The following PTGFRN variants were observed in gnomAD, a reference collection of about 807,000 sequenced individuals.
PTGFRN encodes prostaglandin F2 receptor inhibitor, also known as prostaglandin F2 receptor negative regulator.
A neutral mutation model predicts 83.2 loss-of-function variants in PTGFRN; 35 were observed. The ratio of observed to expected loss-of-function variants is 0.42; its 90% CI spans 0.32 to 0.56. PTGFRN has a LOEUF of 0.56. Among genes scored for constraint, PTGFRN ranks in the 20% least tolerant of loss-of-function variants. The probability of loss-of-function intolerance (pLI) is 0.11; values close to 1 mark genes in which losing one functional copy is unlikely to be tolerated. For missense variants in PTGFRN, 1,051 were observed against 1,179.5 expected (o/e 0.89, Z 1.60); for synonymous variants, 519 against 498.6 (o/e 1.04, Z -0.55).
At position 116,952,132 on chromosome 1, in the gene PTGFRN, C is replaced by T. The variant is rs762222010; in HGVS notation, c.1213+2560C>T. 2.6e-5 allele frequency among the ~76,000 whole-genome samples: 4 copies of T among 152,220 alleles called. No homozygotes were observed. The highest frequency in any genetic ancestry group is 2.1e-4 in the South Asian group (1 of 4,830). Reference sequence around the variant, plus strand: ...TTGAGCATCTACTGTGTGCCAGGCACTGGACTAAGGACCTTATATGCATTA... The same window carrying T: ...TTGAGCATCTACTGTGTGCCAGGCATTGGACTAAGGACCTTATATGCATTA... On this transcript the variant is annotated intron_variant, in intron 4 of 8. Coordinates refer to ENST00000393203, the MANE Select transcript of PTGFRN (RefSeq NM_020440.4). This position sits in a 1 kb window ranked among gnomAD's most constrained non-coding sequence, Gnocchi z 4.0.
intron 1 of PTGFRN, among the ~76,000 whole-genome samples, chr1:116,919,982 G>C (rs1649500594): frequency 6.6e-6 from 1 of 152,196 alleles, no homozygotes; most frequent in African/African-American, 2.4e-5. Context: ...TCCATCTCCA[G>C]AATTCTTTGA....
intron 1 of PTGFRN, among the ~76,000 whole-genome samples, chr1:116,937,521 T>G (rs1322684677): frequency 6.6e-6 from 1 of 152,098 alleles, no homozygotes; most frequent in African/African-American, 2.4e-5. Context: ...AAGGAGCCAT[T>G]AAAGACTTGA....
chr1:116,917,818 T>G (rs924411663), intron 1 of PTGFRN, among the ~76,000 whole-genome samples: 10 of 152,166 alleles, frequency 6.6e-5, no homozygotes, highest in Non-Finnish European at 2.9e-5. Flanking sequence ...AGGCAGGGTC[T>G]TGCTATGTTT....
chr1:116,976,142 A>G (rs1651149898), intron 7 of PTGFRN, among the ~76,000 whole-genome samples: 1 of 152,228 alleles, frequency 6.6e-6, no homozygotes, highest in East Asian at 1.9e-4. Flanking sequence ...GATCAAACGA[A>G]TGAAATGAAG....
chr1:116,984,539 C>G, intron 7 of PTGFRN, 141 bp from the exon 8 acceptor site: 1 of 717,524 alleles, frequency 1.4e-6, no homozygotes, highest in Non-Finnish European at 2.3e-6. Flanking sequence ...CATCATAGGG[C>G]TGTTGTGAGG....
At chr1:116,946,815 C>T (rs1441653403) in intron 3 of PTGFRN, among the ~76,000 whole-genome samples, 1 of 152,142 alleles carries the variant, frequency 6.6e-6, no homozygotes, top group Non-Finnish European at 1.5e-5. Context: ...ACTTGTAAAG[C>T]AAATTGATTT....
intron 2 of PTGFRN, 119 bp from the exon 3 acceptor site, chr1:116,944,560 A>G: frequency 9.4e-7 from 1 of 1,066,510 alleles, no homozygotes; most frequent in Non-Finnish European, 1.2e-6. Flanking sequence ...AAACGTGCCC[A>G]TCCGGGTCTT....
chr1:116,970,107 C>T (rs1038220285), intron 6 of PTGFRN, among the ~76,000 whole-genome samples: 1 of 152,120 alleles, frequency 6.6e-6, no homozygotes, highest in African/African-American at 2.4e-5. Context: ...CGAGTAATTG[C>T]CCAGCCAGAA....
rs1650270773 is a variant in PTGFRN at position 116,949,208 on chromosome 1, G to A, written c.849G>A (p.Val283=). The change falls in exon 4 of 9, where the codon GTG becomes GTA. Residue 283 remains valine (V), a synonymous_variant. Transcript: ENST00000393203. ...VIQPSVLRAA[V]PKNVSVAEGK... Reference sequence around the variant, plus strand: ...ATTTTCAAGTTCTGCGAGCAGCTGTGCCCAAGAATGTGTCTGTGGCTGAAG... The same window carrying A: ...ATTTTCAAGTTCTGCGAGCAGCTGTACCCAAGAATGTGTCTGTGGCTGAAG... 1.3e-6 allele frequency: 2 copies of A among 1,593,294 alleles called. No homozygotes were observed. Among genetic ancestry groups the A allele is most frequent in the African/African-American group, 1.3e-5 (1 of 74,430 alleles).
chr1:116,925,343 C>G (rs1005259383), intron 1 of PTGFRN, among the ~76,000 whole-genome samples: 2 of 151,948 alleles, frequency 1.3e-5, no homozygotes, highest in Non-Finnish European at 2.9e-5. Context: ...ATGAGAATTG[C>G]TTGAACCCAG....
Position 116,942,080 on chromosome 1 carries a change from A to G in PTGFRN, c.415A>G (p.Lys139Glu), listed in dbSNP as rs879771578. The part of the protein sequence containing the change: ...QGNYEDTVQV[K>E]VLADSLHVGP... ...AAACTATGAGGACACAGTGCAGGTTAAAGGTACAGTCCTCACATGGGCTTG... is the reference window on the plus strand; with the variant it reads ...AAACTATGAGGACACAGTGCAGGTTGAAGGTACAGTCCTCACATGGGCTTG... Residue 139 changes from lysine (K) to glutamate (E), a missense_variant, in exon 2 of 9, where the codon AAA (lysine) becomes GAA (glutamate). Lys to Glu is a moderately conservative substitution (Grantham distance 56). This residue lies in a region of PTGFRN where 205 missense variants were observed against 174.5 expected (regional missense o/e 1.17). Coordinates refer to ENST00000393203, the MANE Select transcript of PTGFRN (RefSeq NM_020440.4). 6.2e-6 allele frequency: 10 copies of G among 1,610,956 alleles called. No homozygotes were observed. The highest frequency in any genetic ancestry group is 8.5e-6 in the Non-Finnish European group (10 of 1,177,726).
At chr1:116,917,265 T>C (rs1649428165) in intron 1 of PTGFRN, among the ~76,000 whole-genome samples, 4 of 151,972 alleles carry the variant, frequency 2.6e-5, no homozygotes, top group African/African-American at 7.3e-5. Flanking sequence ...AGAAGACCAC[T>C]GTGAGGGTAG....
At chr1:116,912,352 C>T (rs1375395282) in intron 1 of PTGFRN, among the ~76,000 whole-genome samples, 1 of 152,206 alleles carries the variant, frequency 6.6e-6, no homozygotes, top group Non-Finnish European at 1.5e-5. Context: ...TCAGCCTGAC[C>T]TCTGGGAAGG....
chr1:116,964,191 A>G lies in PTGFRN; in HGVS notation c.1639+2523A>G, dbSNP rs908663073. On this transcript the variant is annotated intron_variant, in intron 5 of 8. Transcript: ENST00000393203. ...CTTTTATAACAACAATATTTGACGT[A>G]TATATACTCAGTGTGTCTGGTTTTT... is the stretch of plus-strand genomic sequence containing the variant. Among the ~76,000 whole-genome samples the G allele has an allele frequency of 1.6e-4, 24 of 152,208 alleles. 1 individual carries two copies. Among genetic ancestry groups the G allele is most frequent in the East Asian group, 1.2e-3 (6 of 5,182 alleles).
At chr1:116,977,446 T>C (rs1651189068) in intron 7 of PTGFRN, among the ~76,000 whole-genome samples, 1 of 152,276 alleles carries the variant, frequency 6.6e-6, no homozygotes, top group Non-Finnish European at 1.5e-5. Context: ...ATCGCACTTA[T>C]TCCAAAATTT....
At chr1:116,940,833 T>C (rs907629091) in intron 1 of PTGFRN, among the ~76,000 whole-genome samples, 2 of 152,204 alleles carry the variant, frequency 1.3e-5, no homozygotes, top group African/African-American at 4.8e-5. Context: ...TTTGGTGCAA[T>C]TGAAATGCTA....
Position 116,914,570 on chromosome 1 carries a change from G to A in PTGFRN, c.49+4318G>A, listed in dbSNP as rs1377839505. Among the ~76,000 whole-genome samples the A allele has an allele frequency of 3.3e-5, 5 of 152,258 alleles. No homozygotes were observed. In the East Asian group the frequency reaches 9.6e-4, roughly 29 times the overall value. On this transcript the variant is annotated intron_variant, in intron 1 of 8. Transcript: ENST00000393203. Reference sequence around the variant, plus strand: ...GATCGAGACCGGCCTGTGCAACATAGTGAGACCCCCATCTCTACTAAAAAA... The same window carrying A: ...GATCGAGACCGGCCTGTGCAACATAATGAGACCCCCATCTCTACTAAAAAA...
intron 6 of PTGFRN, among the ~76,000 whole-genome samples, chr1:116,969,968 T>G (rs190376444): frequency 1.3e-5 from 2 of 152,304 alleles, no homozygotes; most frequent in African/African-American, 4.8e-5. Context: ...CTGAACTTGT[T>G]TATTAATTCT....
intron 1 of PTGFRN, among the ~76,000 whole-genome samples, chr1:116,929,110 T>C (rs1231094072): frequency 6.6e-6 from 1 of 152,220 alleles, no homozygotes; most frequent in African/African-American, 2.4e-5. Context: ...CTAATTACTT[T>C]GCTGTCTCAG....
Sources: allele counts gnomAD v4.1 joint callset (sites outside exome capture counted in the v4.1 genomes callset), GRCh38; gene constraint gnomAD v4.1.1; regional missense constraint gnomAD v4.1.1; non-coding constraint Gnocchi (gnomAD v3.1); transcripts MANE v1.5; gene names NCBI Gene and HGNC (gene_info 2026-07-23, HGNC 2026-07-21).